The following MFAP5 variants were observed in gnomAD, a reference collection of about 807,000 sequenced individuals.
MFAP5 encodes the protein microfibrillar-associated protein 5.
Under a neutral mutation model 30.1 loss-of-function variants are expected in MFAP5, and 19 were observed. That is an observed-to-expected ratio of 0.63 (90% confidence interval 0.44 to 0.93). MFAP5 has a LOEUF of 0.93. Among genes scored for constraint, MFAP5 ranks in the 40% least tolerant of loss-of-function variants. The pLI, the probability that MFAP5 is intolerant of heterozygous loss-of-function variation, is 0.00. For synonymous variants in MFAP5, 92 were observed against 72.9 expected, an observed-to-expected ratio of 1.26 and a Z score of -1.33; for missense variants, 210 against 221.3, an observed-to-expected ratio of 0.95 and a Z score of 0.32.
At chr12:8,649,449 C>T in intron 9 of MFAP5, 52 bp downstream of exon 9, 1 of 1,525,266 alleles carries the variant, frequency 6.6e-7, no homozygotes, top group South Asian at 1.1e-5. Flanking sequence ...ATGTCCCTAT[C>T]TACCCTTCTC....
In MFAP5 at chr12:8,662,278, C is replaced by A. The variant is rs1942175986; in HGVS notation, c.-2-172G>T. On this transcript the variant is annotated intron_variant, in intron 1 of 9. Coordinates refer to ENST00000359478, the MANE Select transcript of MFAP5 (RefSeq NM_003480.4). Reference sequence around the variant, plus strand: ...CTTTTCTTACCTTTCACCCAACATTCATTTCTCCCTCAAATCTATTCCTTG... The same window carrying A: ...CTTTTCTTACCTTTCACCCAACATTAATTTCTCCCTCAAATCTATTCCTTG... 7 of 587,968 alleles carry A rather than the reference C, an allele frequency of 1.2e-5. No homozygotes were observed. In the South Asian group the frequency reaches 1.5e-4, roughly 12 times the overall value. The allele number at this position is 587,968 out of a possible 1,614,324, so 36.4% of individuals were successfully genotyped here. A position where few individuals can be genotyped will look rare whatever the true frequency, so the allele number is the denominator to read the frequency against.
In MFAP5 at chr12:8,662,091, C is replaced by T. The variant is rs1347983798; in HGVS notation, c.14G>A (p.Gly5Glu). 6 of 1,613,550 alleles carry T rather than the reference C, an allele frequency of 3.7e-6. No homozygotes were observed. The highest frequency in any genetic ancestry group is 1.7e-5 in the Admixed American group (1 of 59,980). Reference sequence around the variant, plus strand: ...AGCAAGAAACAGCAGCACCTTGGGTCCCAAGAGCGACATATCTATAGGGGT... The same window carrying T: ...AGCAAGAAACAGCAGCACCTTGGGTTCCAAGAGCGACATATCTATAGGGGT... MSLLGPKVLLFLAAF... is the reference protein window; with the variant it reads MSLLEPKVLLFLAAF... Residue 5 changes from glycine to glutamate, a missense_variant, in exon 2 of 10, where the codon GGA becomes GAA. Transcript: ENST00000359478.
chr12:8,660,028 G>T (rs1028288192), intron 3 of MFAP5, among the ~76,000 whole-genome samples: 1 of 152,114 alleles, frequency 6.6e-6, no homozygotes, highest in South Asian at 2.1e-4. Context: ...TCATGAAGTC[G>T]AAGGAAGTGG....
chr12:8,649,474 C>T, intron 9 of MFAP5, 27 bp downstream of exon 9: 1 of 1,601,866 alleles, frequency 6.2e-7, no homozygotes, highest in Non-Finnish European at 8.6e-7. Context: ...CTGCTTCTCT[C>T]CATTAAACAT....
rs71042401 is a variant in MFAP5, at chr12:8,655,766, CAAACA to C, written c.139+15_139+19del. The C allele has an allele frequency of 0.074, 119,327 of 1,605,258 alleles. 4,966 individuals carry two copies. The highest frequency in any genetic ancestry group is 0.1 in the Middle Eastern group (609 of 6,050). On this transcript the variant is annotated intron_variant, in intron 4 of 9. Transcript: ENST00000359478. The stretch of plus-strand genomic sequence containing the variant: ...CCCAATAAAACAGCAAACAAACAAA[CAAACA>C]AAAGTGTAGCTTACTAGGATCTTCT...
chr12:8,648,491 C>A, intron 9 of MFAP5: 1 of 1,290,542 alleles, frequency 7.7e-7, no homozygotes. Context: ...AAGTACCTAG[C>A]ACAGGTGAGC....
rs753645903 is a variant in MFAP5, at chr12:8,659,788, A to T, written c.94+1075T>A. 5.3e-5 allele frequency among the ~76,000 whole-genome samples: 8 copies of T among 152,362 alleles called. 1 individual carries two copies. In the South Asian group the frequency reaches 1.7e-3, roughly 32 times the overall value. On this transcript the variant is annotated intron_variant, in intron 3 of 9. Coordinates refer to ENST00000359478, the MANE Select transcript of MFAP5 (RefSeq NM_003480.4). ...AGAAGTTTTATTAAAGTTGTATGAAATAATACTTTACTCTTGCAAAACACA... is the reference window on the plus strand; with the variant it reads ...AGAAGTTTTATTAAAGTTGTATGAATTAATACTTTACTCTTGCAAAACACA...
chr12:8,661,277 G>A lies in MFAP5; in HGVS notation c.59-379C>T, dbSNP rs77861348. Among the ~76,000 whole-genome samples, 264 of 152,156 alleles carry A rather than the reference G, an allele frequency of 1.7e-3. 5 individuals carry two copies. In the East Asian group the frequency reaches 0.049, roughly 28 times the overall value. ...CCCCGCTAGCTATGCTAGTGAACAA[G>A]ACAGAAGAATTATTTTTCTCAATCT... On this transcript the variant is annotated intron_variant, in intron 2 of 9. Coordinates refer to ENST00000359478, the MANE Select transcript of MFAP5 (RefSeq NM_003480.4).
At chr12:8,649,676 C>A in intron 8 of MFAP5, 102 bp from the exon 9 acceptor site, 2 of 826,232 alleles carry the variant, frequency 2.4e-6, no homozygotes, top group East Asian at 2.5e-5. Flanking sequence ...TCATATTCCC[C>A]ACTTTCCCTA....
rs781319291 is a variant in MFAP5, at chr12:8,662,118, G to T, written c.-2-12C>A. ...CAAGAGCGACATATCTATAGGGGTG[G>T]TGGGCATAGCAGAGAATGTGATGCT... is the stretch of plus-strand genomic sequence containing the variant. On this transcript the variant is annotated splice_polypyrimidine_tract_variant and intron_variant, in intron 1 of 9. Coordinates refer to ENST00000359478, the MANE Select transcript of MFAP5 (RefSeq NM_003480.4). 1.2e-6 allele frequency: 2 copies of T among 1,612,476 alleles called. No homozygotes were observed. Among genetic ancestry groups the T allele is most frequent in the Non-Finnish European group, 1.7e-6 (2 of 1,179,432 alleles).
At chr12:8,651,966 T>C (rs932959607) in intron 6 of MFAP5, among the ~76,000 whole-genome samples, 1 of 152,176 alleles carries the variant, frequency 6.6e-6, no homozygotes. Flanking sequence ...TCTGTATTGT[T>C]GACAAGAAGC....
intron 2 of MFAP5, 113 bp from the exon 3 acceptor site, chr12:8,661,011 A>T: frequency 3.5e-6 from 3 of 867,238 alleles, no homozygotes; most frequent in Non-Finnish European, 5.5e-6. Context: ...TATCTTTGTG[A>T]CTTATTCCTA....
At chr12:8,658,155 T>G (rs1446865694) in intron 3 of MFAP5, among the ~76,000 whole-genome samples, 1 of 151,944 alleles carries the variant, frequency 6.6e-6, no homozygotes, top group Non-Finnish European at 1.5e-5. Flanking sequence ...TTGAGACCAG[T>G]CTGGCCAACA....
intron 7 of MFAP5, 40 bp downstream of exon 7, chr12:8,651,622 G>GA (rs1295878996): frequency 5.0e-6 from 8 of 1,603,768 alleles, no homozygotes; most frequent in Admixed American, 3.3e-5. Context: ...TCCACAGGAA[G>GA]AAAAAAAGGC....
At chr12:8,651,300 CAGAA>C (rs1941831603) in intron 7 of MFAP5, among the ~76,000 whole-genome samples, 1 of 152,170 alleles carries the variant, frequency 6.6e-6, no homozygotes, top group Admixed American at 6.5e-5. Flanking sequence ...AGCTATATAT[CAGAA>C]TTATCAGTAC....
intron 9 of MFAP5, among the ~76,000 whole-genome samples, chr12:8,648,854 C>T (rs1035769520): frequency 6.6e-6 from 1 of 152,180 alleles, no homozygotes; most frequent in South Asian, 2.1e-4. Context: ...AGCCATCGTT[C>T]GGGGCTGGCC....
intron 8 of MFAP5, 91 bp from the exon 9 acceptor site, chr12:8,649,665 C>T (rs2136460180): frequency 1.1e-6 from 1 of 903,928 alleles, no homozygotes; most frequent in East Asian, 2.4e-5. Context: ...CTCTTCAACT[C>T]TCATATTCCC....
intron 3 of MFAP5, among the ~76,000 whole-genome samples, chr12:8,656,668 A>ATTTTTTTTTT (rs1555139703): frequency 2.5e-5 from 3 of 118,786 alleles, no homozygotes; most frequent in African/African-American, 1.1e-4. Context: ...ATATATATAT[A>ATTTTTTTTTT]TTTTTTTTTT....
chr12:8,655,348 C>A, intron 5 of MFAP5, 67 bp downstream of exon 5: 1 of 1,320,286 alleles, frequency 7.6e-7, no homozygotes, highest in Non-Finnish European at 1.1e-6. Context: ...AATTCAAGAG[C>A]TGGAATAAAT....
Sources: gnomAD v4.1 joint callset for allele counts (sites outside exome capture counted in the v4.1 genomes callset) on GRCh38, gnomAD v4.1.1 for gene constraint, MANE v1.5 for transcripts, NCBI Gene and HGNC (gene_info 2026-07-23, HGNC 2026-07-21) for gene names.